Variants in ZFYVE9 observed in about 807,000 individuals in gnomAD.
The protein encoded by ZFYVE9 is zinc finger FYVE domain-containing protein 9.
ZFYVE9 carries 43 observed loss-of-function variants against 126.7 expected under a neutral mutation model. The observed-to-expected ratio is 0.34, with a 90% confidence interval of 0.27 to 0.44. ZFYVE9 has a LOEUF of 0.44. Ranked by LOEUF, ZFYVE9 falls within the 20% of genes least tolerant of loss-of-function variation. The pLI, the probability that ZFYVE9 is intolerant of heterozygous loss-of-function variation, is 1.00. For synonymous variants in ZFYVE9, 521 were observed against 597.4 expected (o/e 0.87, Z 1.87); for missense variants, 1,476 against 1,697.0 (o/e 0.87, Z 2.29).
At chr1:52,272,412 C>G (rs1429478527) in intron 7 of ZFYVE9, among the ~76,000 whole-genome samples, 1 of 152,204 alleles carries the variant, frequency 6.6e-6, no homozygotes, top group Non-Finnish European at 1.5e-5. Context: ...ATTGTTCTCA[C>G]TTCTGTCCCT....
intron 14 of ZFYVE9, among the ~76,000 whole-genome samples, chr1:52,334,092 C>CAA (rs565760965): frequency 3.1e-4 from 20 of 65,108 alleles, no homozygotes; most frequent in Admixed American, 3.5e-4. Flanking sequence ...GACTCCGTCT[C>CAA]AAAAAAAAAA....
At chr1:52,306,172 G>A (rs1646083006) in intron 13 of ZFYVE9, among the ~76,000 whole-genome samples, 1 of 152,160 alleles carries the variant, frequency 6.6e-6, no homozygotes, top group African/African-American at 2.4e-5. Context: ...GCCTGCCCAT[G>A]GCTGTCCATG....
chr1:52,254,270 T>C lies in ZFYVE9; in HGVS notation c.2179-9503T>C, dbSNP rs969221448. Reference sequence around the variant, plus strand: ...TCAGTTACCTTTATTGAAAAAAACATCAGTTATTTGCAACTTTATATATAT... The same window carrying C: ...TCAGTTACCTTTATTGAAAAAAACACCAGTTATTTGCAACTTTATATATAT... On this transcript the variant is annotated intron_variant, in intron 4 of 18. Coordinates refer to ENST00000287727, the MANE Select transcript of ZFYVE9 (RefSeq NM_004799.4). 4 of 209,612 alleles carry C rather than the reference T, an allele frequency of 1.9e-5. No individual in the cohort carries two copies. In the East Asian group the frequency reaches 4.3e-4, roughly 23 times the overall value. The allele number at this position is 209,612 out of a possible 1,614,324, so 13.0% of individuals were successfully genotyped here.
At chr1:52,241,723 G>A (rs947935090) in intron 4 of ZFYVE9, among the ~76,000 whole-genome samples, 2 of 152,014 alleles carry the variant, frequency 1.3e-5, no homozygotes, top group African/African-American at 2.4e-5. Flanking sequence ...GATGTTATAA[G>A]TATTAATGAG....
chr1:52,164,283 G>A (rs1356305115), intron 1 of ZFYVE9, among the ~76,000 whole-genome samples: 2 of 151,730 alleles, frequency 1.3e-5, no homozygotes, highest in South Asian at 2.1e-4. Flanking sequence ...GCATGATCTC[G>A]GCTCACTGCA....
intron 5 of ZFYVE9, 53 bp downstream of exon 5, chr1:52,263,925 T>G (rs754887969): frequency 2.5e-5 from 31 of 1,251,732 alleles, no homozygotes; most frequent in Non-Finnish European, 3.5e-5. Flanking sequence ...ACAAGGGAAT[T>G]ACGATGAGAA....
chr1:52,314,556 G>T (rs1646165630), intron 13 of ZFYVE9, among the ~76,000 whole-genome samples: 1 of 152,272 alleles, frequency 6.6e-6, no homozygotes, highest in South Asian at 2.1e-4. Flanking sequence ...TGTGGCTCAC[G>T]CCTGTAATCC....
chr1:52,163,888 A>G (rs1217451478), intron 1 of ZFYVE9, among the ~76,000 whole-genome samples: 2 of 152,184 alleles, frequency 1.3e-5, no homozygotes, highest in Non-Finnish European at 2.9e-5. Context: ...GTGCTTTCAG[A>G]TGGGTAGATA....
At chr1:52,151,803 C>CA (rs1345408065) in intron 1 of ZFYVE9, among the ~76,000 whole-genome samples, 1 of 152,070 alleles carries the variant, frequency 6.6e-6, no homozygotes, top group African/African-American at 2.4e-5. Flanking sequence ...AGACATGAGC[C>CA]ACCTCTCTGA....
chr1:52,175,761 T>C (rs1410409675), intron 1 of ZFYVE9, among the ~76,000 whole-genome samples: 1 of 152,224 alleles, frequency 6.6e-6, no homozygotes, highest in Non-Finnish European at 1.5e-5. Flanking sequence ...CATTTCATCT[T>C]CCATCACTGA....
At chr1:52,305,326 G>A (rs1245165535) in intron 13 of ZFYVE9, among the ~76,000 whole-genome samples, 1 of 152,150 alleles carries the variant, frequency 6.6e-6, no homozygotes, top group Non-Finnish European at 1.5e-5. Context: ...CTACTCGGGA[G>A]GCTGAGGCAG....
intron 4 of ZFYVE9, among the ~76,000 whole-genome samples, chr1:52,242,721 T>G (rs1645346864): frequency 6.6e-6 from 1 of 152,188 alleles, no homozygotes; most frequent in Non-Finnish European, 1.5e-5. Context: ...TGGGAATGAA[T>G]AGATATGAGA....
chr1:52,209,315 G>A (rs545819464), intron 1 of ZFYVE9, among the ~76,000 whole-genome samples: 8 of 151,818 alleles, frequency 5.3e-5, no homozygotes, highest in Non-Finnish European at 2.9e-5. Flanking sequence ...AAATAATATG[G>A]ATGAAGACTT....
At chr1:52,225,930 GA>G (rs1453370377) in intron 2 of ZFYVE9, among the ~76,000 whole-genome samples, 1 of 152,138 alleles carries the variant, frequency 6.6e-6, no homozygotes, top group Non-Finnish European at 1.5e-5. Context: ...ATAAACAGAA[GA>G]AAGGAGAAAG....
intron 7 of ZFYVE9, among the ~76,000 whole-genome samples, chr1:52,273,373 G>T (rs1177853559): frequency 6.6e-6 from 1 of 152,040 alleles, no homozygotes; most frequent in East Asian, 1.9e-4. Context: ...TGTATAGTAT[G>T]GGAAATAAAA....
At chr1:52,193,707 C>CAAAA (rs771434275) in intron 1 of ZFYVE9, among the ~76,000 whole-genome samples, 13 of 56,424 alleles carry the variant, frequency 2.3e-4, no homozygotes, top group African/African-American at 5.8e-4. Context: ...AACTCTGTCT[C>CAAAA]AAAAAAAAAA....
At chr1:52,164,974 GT>G (rs1375393110) in intron 1 of ZFYVE9, among the ~76,000 whole-genome samples, 2 of 152,150 alleles carry the variant, frequency 1.3e-5, no homozygotes, top group Admixed American at 6.6e-5. Flanking sequence ...GAGAGTTTCA[GT>G]TTGGGAAGAT....
chr1:52,229,568 AT>A (rs1191913011), intron 2 of ZFYVE9, among the ~76,000 whole-genome samples: 1 of 152,208 alleles, frequency 6.6e-6, no homozygotes, highest in Admixed American at 6.5e-5. Context: ...AGTACAACTT[AT>A]TGACCAGCTG....
chr1:52,146,409 A>G (rs994466045), intron 1 of ZFYVE9, among the ~76,000 whole-genome samples: 5 of 152,124 alleles, frequency 3.3e-5, no homozygotes, highest in African/African-American at 1.2e-4. Context: ...TTACTTAAGA[A>G]CTGTTTTCAG....
Sources: gnomAD v4.1 joint callset for allele counts (sites outside exome capture counted in the v4.1 genomes callset) on GRCh38, gnomAD v4.1.1 for gene constraint, MANE v1.5 for transcripts, NCBI Gene and HGNC (gene_info 2026-07-23, HGNC 2026-07-21) for gene names.